The following GEN1 variants were observed in gnomAD, a reference collection of about 807,000 sequenced individuals.
GEN1 encodes GEN1 structure-specific endonuclease, also known as flap endonuclease GEN homolog 1.
GEN1 carries 64 observed loss-of-function variants against 67.6 expected under a neutral mutation model. That is an observed-to-expected ratio of 0.95 (90% confidence interval 0.77 to 1.17). GEN1 has a LOEUF of 1.17. GEN1 is among the 50% of genes most tolerant of loss of function. The pLI is 0.00. For missense variants in GEN1, 1,058 were observed against 1,048.3 expected (o/e 1.01, Z -0.13); for synonymous variants, 371 against 359.4 (o/e 1.03, Z -0.37).
rs1230641037 is a variant in GEN1, at chr2:17,781,416, CTA to C, written c.2205_2206del (p.Lys736AsnfsTer13). On this transcript the variant is annotated frameshift_variant, in exon 14 of 14. Coordinates refer to ENST00000381254, the MANE Select transcript of GEN1 (RefSeq NM_001130009.3). LOFTEE classifies it low-confidence loss of function (END_TRUNC). ...CCCTTGCAAAATGAATCCAGAGACT[CTA>C]AAATTCTAAAAGGAGACCAGCTGCT... 1.2e-6 allele frequency: 2 copies of C among 1,613,542 alleles called. No homozygotes were observed. Among genetic ancestry groups the C allele is most frequent in the African/African-American group, 1.3e-5 (1 of 74,906 alleles).
In GEN1 at chr2:17,787,939, G is replaced by C. The variant is rs559072662; in HGVS notation, c.*6000G>C. The C allele has an allele frequency of 6.6e-6, 1 of 152,344 alleles. No homozygotes were observed. The highest frequency in any genetic ancestry group is 2.1e-4 in the South Asian group (1 of 4,826). The allele number at this position is 152,344 out of a possible 1,614,324, so 9.4% of individuals were successfully genotyped here. On this transcript the variant is annotated 3_prime_UTR_variant, in exon 14 of 14. Coordinates refer to ENST00000381254, the MANE Select transcript of GEN1 (RefSeq NM_001130009.3). Reference sequence around the variant, plus strand: ...AACTCCATCTAAACAAAAGAAAAAAGAAAGTGTTCAGTGAATGGGTGCTGA... The same window carrying C: ...AACTCCATCTAAACAAAAGAAAAAACAAAGTGTTCAGTGAATGGGTGCTGA...
intron 13 of GEN1, among the ~76,000 whole-genome samples, chr2:17,780,411 C>A (rs948090718): frequency 1.1e-4 from 17 of 152,248 alleles, no homozygotes; most frequent in Middle Eastern, 3.4e-3. Flanking sequence ...TAAATGTTTT[C>A]TTTATTTCCC....
Position 17,782,157 on chromosome 2 carries a change from T to C in GEN1, c.*218T>C, listed in dbSNP as rs1672876636. On this transcript the variant is annotated 3_prime_UTR_variant, in exon 14 of 14. Coordinates refer to ENST00000381254, the MANE Select transcript of GEN1 (RefSeq NM_001130009.3). ...GAAAACTTCTGATAATGTATGTCAT[T>C]ATGTCCTTACTATTCCTTAATTGTA... 7.3e-6 allele frequency: 3 copies of C among 411,216 alleles called. No homozygotes were observed. The Admixed American group carries it at 1.2e-4, about 17-fold the overall frequency. 25.5% of individuals were successfully genotyped at this position (411,216 alleles called of 1,614,324 possible). A position where few individuals can be genotyped will look rare whatever the true frequency, so the allele number is the denominator to read the frequency against.
At chr2:17,771,486 A>G (rs1219312503) in intron 7 of GEN1, among the ~76,000 whole-genome samples, 199 bp downstream of exon 7, 1 of 152,186 alleles carries the variant, frequency 6.6e-6, no homozygotes, top group Non-Finnish European at 1.5e-5. Context: ...TGAAACCAAT[A>G]ATGTGATGTA....
chr2:17,775,868 G>A (rs1392366493), intron 11 of GEN1, among the ~76,000 whole-genome samples: 1 of 152,100 alleles, frequency 6.6e-6, no homozygotes, highest in Non-Finnish European at 1.5e-5. Flanking sequence ...GGGCGTGGTG[G>A]CTCGCACCTG....
chr2:17,771,799 A>AG, intron 7 of GEN1, among the ~76,000 whole-genome samples: 1 of 151,604 alleles, frequency 6.6e-6, no homozygotes, highest in East Asian at 1.9e-4. Flanking sequence ...AAAAAAAAAA[A>AG]AGACACTACG....
chr2:17,778,257 C>CACAT lies in GEN1; in HGVS notation c.1264+195_1264+196insCATA, dbSNP rs10626431. Among the ~76,000 whole-genome samples, 4,228 of 38,298 alleles carry CACAT rather than the reference C, an allele frequency of 0.11. 952 individuals are homozygous for CACAT. Among genetic ancestry groups the CACAT allele is most frequent in the East Asian group, 0.22 (43 of 194 alleles). 25.1% of individuals were successfully genotyped at this position (38,298 alleles called of 152,430 possible). A position where few individuals can be genotyped will look rare whatever the true frequency, so the allele number is the denominator to read the frequency against. The stretch of plus-strand genomic sequence containing the variant: ...ATGTGTGTACATATATGTATACACA[C>CACAT]ATATGTGTGTACATATATGTATATA... On this transcript the variant is annotated intron_variant, in intron 12 of 13. Coordinates refer to ENST00000381254, the MANE Select transcript of GEN1 (RefSeq NM_001130009.3).
Position 17,780,604 on chromosome 2 carries a change from ATT to A in GEN1, c.1409-10_1409-9del, listed in dbSNP as rs751718144. The A allele has an allele frequency of 6.9e-7, 1 of 1,444,132 alleles. No individual in the cohort carries two copies. The highest frequency in any genetic ancestry group is 9.4e-7 in the Non-Finnish European group (1 of 1,065,844). 89.5% of individuals were successfully genotyped at this position (1,444,132 alleles called of 1,614,324 possible). On this transcript the variant is annotated splice_polypyrimidine_tract_variant and intron_variant, in intron 13 of 13. Transcript: ENST00000381254. ...AAGAAAATAAATGTTGATTATATGT[ATT>A]TTTTTTCTTTTCAGGTATTAAGCCT... is the stretch of plus-strand genomic sequence containing the variant.
At position 17,778,229 on chromosome 2, in the gene GEN1, T is replaced by C. The variant is rs1041493815; in HGVS notation, c.1264+166T>C. On this transcript the variant is annotated intron_variant, in intron 12 of 13. Transcript: ENST00000381254. ...GTGTATATATATGTATACACACACATATATGTGTGTACATATATGTATACA... is the reference window on the plus strand; with the variant it reads ...GTGTATATATATGTATACACACACACATATGTGTGTACATATATGTATACA... Among the ~76,000 whole-genome samples, 32 of 131,562 alleles carry C rather than the reference T, an allele frequency of 2.4e-4. 2 individuals are homozygous for C. The highest frequency in any genetic ancestry group is 6.7e-4 in the South Asian group (3 of 4,456). The allele number at this position is 131,562 out of a possible 152,430, so 86.3% of individuals were successfully genotyped here.
At chr2:17,765,125 A>T (rs1671866219) in intron 4 of GEN1, 52 bp downstream of exon 4, 1 of 1,541,454 alleles carries the variant, frequency 6.5e-7, no homozygotes, top group Non-Finnish European at 8.9e-7. Context: ...TACCTTTTTT[A>T]AAGGGCTGAT....
chr2:17,756,326 CTA>C (rs1243330368), intron 1 of GEN1, among the ~76,000 whole-genome samples: 1 of 152,138 alleles, frequency 6.6e-6, no homozygotes, highest in Admixed American at 6.5e-5. Context: ...AAGTTATTTG[CTA>C]TGTGTTGTTC....
chr2:17,768,005 T>C (rs1181563355), intron 5 of GEN1, among the ~76,000 whole-genome samples: 1 of 152,160 alleles, frequency 6.6e-6, no homozygotes, highest in Non-Finnish European at 1.5e-5. Flanking sequence ...ATAGGTGGAT[T>C]GGGAAGTATT....
rs115149405 is a variant in GEN1, at chr2:17,771,511, G to C, written c.802+224G>C. Among the ~76,000 whole-genome samples, 368 of 152,104 alleles carry C rather than the reference G, an allele frequency of 2.4e-3. 1 individual carries two copies. Among genetic ancestry groups the C allele is most frequent in the African/African-American group, 8.7e-3 (363 of 41,492 alleles). ...AATGTGATGTAGATGATAAATATAA[G>C]TACAGTTTCAAACTATGATACCAAA... On this transcript the variant is annotated intron_variant, in intron 7 of 13. Transcript: ENST00000381254.
At chr2:17,773,346 A>T (rs1672282571) in intron 10 of GEN1, 47 bp downstream of exon 10, 1 of 1,145,238 alleles carries the variant, frequency 8.7e-7, no homozygotes, top group African/African-American at 1.6e-5. Context: ...TATATGCTGG[A>T]AAGATAGGAA....
chr2:17,771,117 A>C lies in GEN1; in HGVS notation c.711-79A>C, dbSNP rs780115723. 3 of 836,258 alleles carry C rather than the reference A, an allele frequency of 3.6e-6. No individual in the cohort carries two copies. In the Admixed American group the frequency reaches 5.3e-5, roughly 15 times the overall value. The allele number at this position is 836,258 out of a possible 1,614,324, so 51.8% of individuals were successfully genotyped here. A position where few individuals can be genotyped will look rare whatever the true frequency, so the allele number is the denominator to read the frequency against. Reference sequence around the variant, plus strand: ...TAATTAGGTAGGTGAAAGGGAATAGATCAGCCTGATATTTGAGAACATACC... The same window carrying C: ...TAATTAGGTAGGTGAAAGGGAATAGCTCAGCCTGATATTTGAGAACATACC... On this transcript the variant is annotated intron_variant, in intron 6 of 13. Coordinates refer to ENST00000381254, the MANE Select transcript of GEN1 (RefSeq NM_001130009.3).
chr2:17,780,190 G>T (rs1277067929), intron 13 of GEN1, 69 bp downstream of exon 13: 3 of 1,211,066 alleles, frequency 2.5e-6, no homozygotes, highest in Non-Finnish European at 3.5e-6. Flanking sequence ...TCTTCTGTTT[G>T]AATCTGCTGT....
At chr2:17,771,327 CAT>C (rs1435145887) in intron 7 of GEN1, 40 bp downstream of exon 7, 1 of 1,159,146 alleles carries the variant, frequency 8.6e-7, no homozygotes, top group East Asian at 2.3e-5. Context: ...ATCTCATACC[CAT>C]GTTTTAATTC....
rs537266236 is a variant in GEN1, at chr2:17,761,309, T to C, written c.162-87T>C. On this transcript the variant is annotated intron_variant, in intron 2 of 13. Transcript: ENST00000381254. ...ATTACATTAACGTTTTTGATACTAG[T>C]CTAATGTTCTTGCCTTTGTGTTATA... 51 of 685,574 alleles carry C rather than the reference T, an allele frequency of 7.4e-5. No homozygotes were observed. In the South Asian group the frequency reaches 1.0e-3, roughly 14 times the overall value. 42.5% of individuals were successfully genotyped at this position (685,574 alleles called of 1,614,324 possible).
At chr2:17,775,794 G>A (rs183734192) in intron 11 of GEN1, among the ~76,000 whole-genome samples, 209 of 152,214 alleles carry the variant, frequency 1.4e-3, no homozygotes, top group Non-Finnish European at 2.6e-3. Context: ...TTTCTAATAC[G>A]TTAAACTGAG....
Sources: gnomAD v4.1 joint callset for allele counts (sites outside exome capture counted in the v4.1 genomes callset) on GRCh38, gnomAD v4.1.1 for gene constraint, MANE v1.5 for transcripts, NCBI Gene and HGNC (gene_info 2026-07-23, HGNC 2026-07-21) for gene names.